The following DMD variants were observed in gnomAD, a reference collection of about 807,000 sequenced individuals.
The protein encoded by DMD is dystrophin, also known as mutant dystrophin.
DMD carries 63 observed loss-of-function variants against 330.1 expected under a neutral mutation model. The ratio of observed to expected loss-of-function variants is 0.19; its 90% CI spans 0.16 to 0.24. The LOEUF is 0.24. Among genes scored for constraint, DMD ranks in the 10% least tolerant of loss-of-function variants. The pLI is 1.00. For missense variants in DMD, 3,344 were observed against 2,684.1 expected (o/e 1.25, Z -5.43); for synonymous variants, 1,223 against 959.8 (o/e 1.27, Z -5.07).
intron 42 of DMD, among the ~76,000 whole-genome samples, chrX:32,294,431 G>A (rs909238920): frequency 5.4e-5 from 6 of 111,691 alleles, no homozygotes; most frequent in East Asian, 5.7e-4. Context: ...GTGTTTGTGC[G>A]TATGTGTGTG....
chrX:31,529,483 T>C (rs1476478583), intron 55 of DMD, among the ~76,000 whole-genome samples: 1 of 112,159 alleles, frequency 8.9e-6, no homozygotes, highest in Non-Finnish European at 1.9e-5. Flanking sequence ...TTAGGATAGA[T>C]GAACCTATAG....
At chrX:33,018,892 T>TA (rs1451889763) in intron 2 of DMD, among the ~76,000 whole-genome samples, 12 of 86,703 alleles carry the variant, frequency 1.4e-4, no homozygotes, top group Admixed American at 9.5e-4. Context: ...TTCACTTAGC[T>TA]AAAAAAAGTT....
chrX:32,237,023 CTTTG>C (rs1009199737), intron 43 of DMD, among the ~76,000 whole-genome samples: 21 of 111,179 alleles, frequency 1.9e-4, no homozygotes, highest in Admixed American at 1.4e-3. Context: ...TATGTCTTTT[CTTTG>C]TTTATGAAGT....
chrX:31,570,422 A>G (rs1395189299), intron 55 of DMD, among the ~76,000 whole-genome samples: 1 of 111,040 alleles, frequency 9.0e-6, no homozygotes. Flanking sequence ...TCCATATTCT[A>G]TTATCTGGAA....
intron 4 of DMD, among the ~76,000 whole-genome samples, chrX:32,827,347 A>G (rs146053082): frequency 0.015 from 1,649 of 111,408 alleles, 21 homozygotes; most frequent in African/African-American, 0.045. Context: ...AAGCATTCAG[A>G]TCACTAGGGG....
At chrX:31,146,909 GA>G (rs1374415474) in intron 75 of DMD, among the ~76,000 whole-genome samples, 4 of 110,414 alleles carry the variant, frequency 3.6e-5, no homozygotes, top group Non-Finnish European at 7.6e-5. Flanking sequence ...GGGATTAGGA[GA>G]AAAAAAACAC....
chrX:32,059,026 G>T (rs1333706027), intron 44 of DMD, among the ~76,000 whole-genome samples: 1 of 111,106 alleles, frequency 9.0e-6, no homozygotes, highest in Non-Finnish European at 1.9e-5. Context: ...ACTTACATGA[G>T]GTATCTAAAG....
At position 32,568,253 on chromosome X, in the gene DMD, T is replaced by C. The variant is rs538207548; in HGVS notation, c.1813-2372A>G. Among the ~76,000 whole-genome samples the C allele has an allele frequency of 2.6e-4, 29 of 112,173 alleles. No individual in the cohort carries two copies. The Admixed American group carries it at 2.7e-3, about 11-fold the overall frequency. On this transcript the variant is annotated intron_variant, in intron 15 of 78. Coordinates refer to ENST00000357033, the MANE Select transcript of DMD (RefSeq NM_004006.3). ...AATTAGAGGTGGTGGCTCACGCCTA[T>C]AATCTCAGCACTTTGGGAGGCTGAG...
intron 62 of DMD, among the ~76,000 whole-genome samples, chrX:31,263,626 A>C (rs189443993): frequency 8.9e-6 from 1 of 111,828 alleles, no homozygotes; most frequent in African/African-American, 3.2e-5. Flanking sequence ...GGGGGACTTG[A>C]ATAACATAGA....
At chrX:32,643,337 CT>C (rs78609842) in intron 11 of DMD, among the ~76,000 whole-genome samples, 2,936 of 100,647 alleles carry the variant, frequency 0.029, 76 homozygotes, top group African/African-American at 0.08. Context: ...TTCCTTGGTC[CT>C]TTTTTTTTTT....
intron 1 of DMD, among the ~76,000 whole-genome samples, chrX:33,099,064 A>T (rs2095209364): frequency 8.9e-6 from 1 of 112,402 alleles, no homozygotes; most frequent in African/African-American, 3.2e-5. Flanking sequence ...GGGAACTAAG[A>T]ACATAAAGTA....
chrX:32,799,019 G>A (rs931714727), intron 7 of DMD, among the ~76,000 whole-genome samples: 3 of 110,910 alleles, frequency 2.7e-5, no homozygotes, highest in African/African-American at 9.8e-5. Context: ...AACATAAGAG[G>A]CCTTAAAAAT....
At chrX:32,734,070 G>T (rs1190035991) in intron 7 of DMD, among the ~76,000 whole-genome samples, 5 of 106,897 alleles carry the variant, frequency 4.7e-5, no homozygotes, top group Admixed American at 2.0e-4. Context: ...AATAAAAAAT[G>T]ATAAAGGGGA....
chrX:32,289,342 T>C (rs1183940032), intron 42 of DMD, among the ~76,000 whole-genome samples: 3 of 110,526 alleles, frequency 2.7e-5, no homozygotes, highest in Non-Finnish European at 5.7e-5. Flanking sequence ...GTATTACCCT[T>C]CTACTACTTA....
chrX:31,465,319 T>C (rs1305197955), intron 59 of DMD, among the ~76,000 whole-genome samples: 2 of 111,045 alleles, frequency 1.8e-5, no homozygotes, highest in Non-Finnish European at 3.8e-5. Flanking sequence ...ACCTGTCATC[T>C]ACATTAGGTA....
chrX:32,586,273 G>T (rs971450632), intron 13 of DMD, among the ~76,000 whole-genome samples: 3 of 109,511 alleles, frequency 2.7e-5, no homozygotes, highest in African/African-American at 1.0e-4. Context: ...TTCTAGAAAA[G>T]AAAAAAATTT....
chrX:33,215,935 T>C (rs1466559490), upstream of DMD, among the ~76,000 whole-genome samples: 1 of 112,204 alleles, frequency 8.9e-6, no homozygotes, highest in Non-Finnish European at 1.9e-5. Flanking sequence ...GCTTATAGTA[T>C]AGCTTGAAGT....
chrX:32,676,968 T>G (rs2062014416), intron 9 of DMD, among the ~76,000 whole-genome samples: 1 of 111,897 alleles, frequency 8.9e-6, no homozygotes, highest in African/African-American at 3.2e-5. Context: ...GAAAAATATA[T>G]GTAAGAGTTT....
chrX:31,944,622 C>T (rs2125354), intron 45 of DMD, among the ~76,000 whole-genome samples: 1,309 of 104,913 alleles, frequency 0.012, 25 homozygotes, highest in African/African-American at 0.043. Flanking sequence ...GGACTACAGG[C>T]GCCCGCCACC....
Sources: allele counts gnomAD v4.1 joint callset (sites outside exome capture counted in the v4.1 genomes callset), GRCh38; gene constraint gnomAD v4.1.1; transcripts MANE v1.5; gene names NCBI Gene and HGNC (gene_info 2026-07-23, HGNC 2026-07-21).